NRG1: variants seen among roughly 807,000 people sequenced by gnomAD.
NRG1 encodes the protein pro-neuregulin-1, membrane-bound isoform.
A neutral mutation model predicts 63.8 loss-of-function variants in NRG1; 18 were observed. The observed-to-expected ratio is 0.28, with a 90% CI of 0.19 to 0.42. The LOEUF (loss-of-function observed/expected upper bound fraction) is 0.42. Ranked by LOEUF, NRG1 falls within the 10% of genes least tolerant of loss-of-function variation. NRG1 has a pLI of 1.00. For missense variants in NRG1, 762 were observed against 814.7 expected (o/e 0.94, Z 0.79); for synonymous variants, 302 against 301.3 (o/e 1.00, Z -0.02).
At chr8:32,753,932 G>A (rs10102316) in intron 7 of NRG1, among the ~76,000 whole-genome samples, 2,245 of 152,170 alleles carry the variant, frequency 0.015, 64 homozygotes, top group African/African-American at 0.05. Context: ...AGTGGGGGGC[G>A]CCCAGTGATG....
At chr8:32,529,458 TA>T (rs1283899389) in intron 1 of NRG1, among the ~76,000 whole-genome samples, 4 of 152,182 alleles carry the variant, frequency 2.6e-5, no homozygotes, top group Non-Finnish European at 4.4e-5. Flanking sequence ...AAAATTAACC[TA>T]ATTACTATAT....
At chr8:32,659,701 C>T (rs1012709087) in intron 5 of NRG1, among the ~76,000 whole-genome samples, 2 of 152,188 alleles carry the variant, frequency 1.3e-5, no homozygotes, top group African/African-American at 4.8e-5. Flanking sequence ...CCCCAAACTT[C>T]CTGTCTTCCC....
chr8:32,392,363 C>G (rs556143433), intron 1 of NRG1, among the ~76,000 whole-genome samples: 3 of 152,296 alleles, frequency 2.0e-5, no homozygotes, highest in South Asian at 4.1e-4. Flanking sequence ...CCCATAAAAG[C>G]AGTAATTTTG....
At chr8:32,306,212 T>G (rs113553674) in intron 1 of NRG1, among the ~76,000 whole-genome samples, 7,688 of 152,310 alleles carry the variant, frequency 0.05, 568 homozygotes, top group African/African-American at 0.16. Context: ...GTCACCAATG[T>G]GAATTTACTT....
intron 1 of NRG1, among the ~76,000 whole-genome samples, chr8:32,034,797 C>G (rs914785541): frequency 6.6e-6 from 1 of 151,716 alleles, no homozygotes; most frequent in East Asian, 1.9e-4. Flanking sequence ...TGGTGATATC[C>G]CTTTATCATT....
At chr8:31,961,993 A>G (rs1805535459) in intron 1 of NRG1, among the ~76,000 whole-genome samples, 1 of 78,616 alleles carries the variant, frequency 1.3e-5, no homozygotes, top group Non-Finnish European at 4.5e-5. Context: ...TTATGGAGGC[A>G]TTACTCATGA....
intron 1 of NRG1, among the ~76,000 whole-genome samples, chr8:31,888,113 AT>A (rs1426898215): frequency 6.6e-6 from 1 of 151,958 alleles, no homozygotes; most frequent in East Asian, 1.9e-4. Flanking sequence ...TTACATATCA[AT>A]ATATTATACA....
At chr8:31,901,128 T>C (rs903162917) in intron 1 of NRG1, among the ~76,000 whole-genome samples, 2 of 152,204 alleles carry the variant, frequency 1.3e-5, no homozygotes, top group Non-Finnish European at 2.9e-5. Flanking sequence ...ATCATGAAGA[T>C]GAACATTTAT....
chr8:32,717,235 G>A (rs556757617), intron 5 of NRG1, among the ~76,000 whole-genome samples: 1 of 152,114 alleles, frequency 6.6e-6, no homozygotes, highest in African/African-American at 2.4e-5. Flanking sequence ...TTTGGGTGGC[G>A]GGGGTGGCAA....
At chr8:32,057,599 C>G (rs535203090) in intron 1 of NRG1, among the ~76,000 whole-genome samples, 2 of 152,242 alleles carry the variant, frequency 1.3e-5, no homozygotes, top group East Asian at 3.9e-4. Context: ...TCCCCACTGC[C>G]CATGTTTTGT....
chr8:31,667,448 A>G lies in NRG1; in HGVS notation c.37+28017A>G, dbSNP rs115203076. ...GCTCCTCAGTGGTTGCAGTCTGATC[A>G]GGGGAGATGGATAAGCAAGCAGCAT... On this transcript the variant is annotated intron_variant, in intron 1 of 10. Transcript: ENST00000519301. 3.9e-3 allele frequency among the ~76,000 whole-genome samples: 595 copies of G among 152,292 alleles called. 6 individuals are homozygous for G. Among genetic ancestry groups the G allele is most frequent in the African/African-American group, 0.013 (561 of 41,564 alleles).
intron 7 of NRG1, chr8:32,743,285 C>A: frequency 1.1e-6 from 1 of 921,098 alleles, no homozygotes; most frequent in Non-Finnish European, 1.3e-6. Context: ...TTTAAAAAAG[C>A]ATCAAGTAGG....
rs1312118484 is a variant in NRG1, at chr8:32,136,416, T to C, written c.38-459412T>C. 3.3e-5 allele frequency among the ~76,000 whole-genome samples: 5 copies of C among 152,296 alleles called. No homozygotes were observed. In the East Asian group the frequency reaches 9.7e-4, roughly 29 times the overall value. The stretch of plus-strand genomic sequence containing the variant: ...CCGTGGTCTCTGACCCAAAGTCTCA[T>C]GTCCCCTGCTAGCATCCATGAAACA... On this transcript the variant is annotated intron_variant, in intron 1 of 10. Coordinates refer to the NRG1 transcript ENST00000519301.
chr8:32,123,886 T>C (rs1359943419), intron 1 of NRG1, among the ~76,000 whole-genome samples: 1 of 151,794 alleles, frequency 6.6e-6, no homozygotes, highest in Non-Finnish European at 1.5e-5. Flanking sequence ...TACTACCTTC[T>C]CAGAGTTGAA....
chr8:32,505,188 G>A (rs1431894025), intron 1 of NRG1, among the ~76,000 whole-genome samples: 1 of 152,086 alleles, frequency 6.6e-6, no homozygotes, highest in Admixed American at 6.5e-5. Flanking sequence ...TATCAAGCAG[G>A]CATTTTAAAA....
intron 1 of NRG1, among the ~76,000 whole-genome samples, chr8:31,998,616 G>A (rs919263167): frequency 1.3e-5 from 2 of 151,892 alleles, no homozygotes; most frequent in African/African-American, 4.8e-5. Context: ...GAGTCAATAG[G>A]AACTTTACAC....
chr8:32,747,732 G>GTGTATATATATATATATATATATATATA (rs1264111970), intron 7 of NRG1, among the ~76,000 whole-genome samples: 14 of 132,100 alleles, frequency 1.1e-4, no homozygotes, highest in African/African-American at 4.2e-4. Context: ...ATGTGTGTGT[G>GTGTATATATATATATATATATATATATA]TATATATATA....
Position 32,253,772 on chromosome 8 carries a change from G to T in NRG1, c.38-342056G>T, listed in dbSNP as rs534891811. ...AATGGTTTCAGAAGGAATGGTACCA[G>T]CTCCTCTTTGTACCTCTGGTAGAAA... On this transcript the variant is annotated intron_variant, in intron 1 of 10. Coordinates refer to the NRG1 transcript ENST00000519301. Among the ~76,000 whole-genome samples the T allele has an allele frequency of 3.3e-5, 5 of 152,298 alleles. No individual in the cohort carries two copies. In the South Asian group the frequency reaches 8.3e-4, roughly 25 times the overall value.
At chr8:32,608,408 T>A (rs772315487) in intron 3 of NRG1, among the ~76,000 whole-genome samples, 2 of 151,986 alleles carry the variant, frequency 1.3e-5, no homozygotes, top group Non-Finnish European at 2.9e-5. Context: ...TAGGTTCAAC[T>A]ATGTTGCCCA....
Sources: gnomAD v4.1 joint callset for allele counts (sites outside exome capture counted in the v4.1 genomes callset) on GRCh38, gnomAD v4.1.1 for gene constraint, MANE v1.5 for transcripts, NCBI Gene and HGNC (gene_info 2026-07-23, HGNC 2026-07-21) for gene names.